The following P2RY12 variants were observed in gnomAD, a reference collection of about 807,000 sequenced individuals.
P2RY12 encodes the protein P2Y purinoceptor 12.
A neutral mutation model predicts 4.5 loss-of-function variants in P2RY12; 3 were observed. The observed-to-expected ratio is 0.67, with a 90% CI of 0.31 to 1.74. P2RY12 has a LOEUF of 1.74. Ranked by LOEUF, P2RY12 falls within the 40% of genes most tolerant of loss-of-function variation. P2RY12 has a pLI of 0.09. For synonymous variants in P2RY12, 148 were observed against 154.1 expected, an observed-to-expected ratio of 0.96 and a Z score of 0.29; for missense variants, 356 against 407.8, an observed-to-expected ratio of 0.87 and a Z score of 1.09.
At chr3:151,353,644 C>G (rs1337386927) in intron 1 of P2RY12, among the ~76,000 whole-genome samples, 2 of 152,170 alleles carry the variant, frequency 1.3e-5, no homozygotes, top group Non-Finnish European at 2.9e-5. Flanking sequence ...AAAGAGAAGT[C>G]TCTTTTATTT....
chr3:151,356,112 C>G, intron 1 of P2RY12: 1 of 1,458,032 alleles, frequency 6.9e-7, no homozygotes, highest in South Asian at 1.3e-5. Context: ...TTAAAGTGAG[C>G]CAATTAGCTG....
chr3:151,382,120 T>G (rs575778831), intron 1 of P2RY12, among the ~76,000 whole-genome samples: 2 of 152,292 alleles, frequency 1.3e-5, no homozygotes, highest in East Asian at 1.9e-4. Context: ...GCAGCCCACT[T>G]TATAAACTGA....
At chr3:151,362,746 C>T (rs1381752086) in intron 1 of P2RY12, among the ~76,000 whole-genome samples, 1 of 151,996 alleles carries the variant, frequency 6.6e-6, no homozygotes, top group Non-Finnish European at 1.5e-5. Context: ...ATAGTTATAT[C>T]TAAGACAATT....
intron 1 of P2RY12, among the ~76,000 whole-genome samples, chr3:151,371,106 C>G (rs1378508136): frequency 6.6e-6 from 1 of 152,162 alleles, no homozygotes; most frequent in East Asian, 1.9e-4. Context: ...TGAGGATCTC[C>G]TAGTATGGGG....
chr3:151,384,361 C>A, intron 1 of P2RY12: 3 of 798,818 alleles, frequency 3.8e-6, no homozygotes, highest in Non-Finnish European at 5.6e-6. Context: ...TTTCACCTAA[C>A]CTTATTAGTA....
At chr3:151,377,482 A>G (rs1711501386) in intron 1 of P2RY12, among the ~76,000 whole-genome samples, 1 of 152,120 alleles carries the variant, frequency 6.6e-6, no homozygotes, top group African/African-American at 2.4e-5. Context: ...TTTTTCCACC[A>G]TTTTTATTAA....
intron 1 of P2RY12, among the ~76,000 whole-genome samples, chr3:151,348,031 C>T (rs1752742729): frequency 6.6e-6 from 1 of 152,132 alleles, no homozygotes; most frequent in Admixed American, 6.5e-5. Context: ...CTTTGGACTT[C>T]TAGGTCTGTA....
chr3:151,371,534 T>A (rs945194300), intron 1 of P2RY12, among the ~76,000 whole-genome samples: 3 of 152,358 alleles, frequency 2.0e-5, no homozygotes, highest in Admixed American at 6.5e-5. Flanking sequence ...CTTAAGATTT[T>A]GTTAGTAAAT....
At chr3:151,340,540 C>G (rs1478135328) in intron 2 of P2RY12, 56 bp downstream of exon 2, 1 of 152,536 alleles carries the variant, frequency 6.6e-6, no homozygotes, top group African/African-American at 2.4e-5. Flanking sequence ...AAAATGTACA[C>G]ACATATCAGA....
chr3:151,357,883 CT>C (rs1376069046), intron 1 of P2RY12, among the ~76,000 whole-genome samples: 3 of 152,178 alleles, frequency 2.0e-5, no homozygotes, highest in African/African-American at 7.2e-5. Flanking sequence ...GCTTACTCTA[CT>C]AATGAAGTTG....
intron 1 of P2RY12, among the ~76,000 whole-genome samples, chr3:151,359,689 T>A (rs543011867): frequency 1.3e-5 from 2 of 152,170 alleles, no homozygotes; most frequent in Admixed American, 6.6e-5. Context: ...TCAGATAGTT[T>A]CTAAAGCTTT....
At chr3:151,345,407 A>G (rs930026992) in intron 1 of P2RY12, among the ~76,000 whole-genome samples, 2 of 152,084 alleles carry the variant, frequency 1.3e-5, no homozygotes, top group Non-Finnish European at 2.9e-5. Context: ...AAGAGCAGAA[A>G]TCGTTGATAC....
At chr3:151,380,100 ACTTC>A in intron 1 of P2RY12, 1 of 1,489,908 alleles carries the variant, frequency 6.7e-7, no homozygotes, top group Non-Finnish European at 9.2e-7. Context: ...TGTTATTATT[ACTTC>A]CTTTGTAGTA....
chr3:151,356,746 T>C (rs1753975157), intron 1 of P2RY12, among the ~76,000 whole-genome samples: 1 of 152,320 alleles, frequency 6.6e-6, no homozygotes, highest in East Asian at 1.9e-4. Context: ...ACAAACCTTA[T>C]GATTTGATTT....
At chr3:151,346,247 C>G (rs899135656) in intron 1 of P2RY12, among the ~76,000 whole-genome samples, 5 of 152,148 alleles carry the variant, frequency 3.3e-5, no homozygotes, top group Non-Finnish European at 7.3e-5. Context: ...AGCTAAGAGG[C>G]CATTGTCTCT....
chr3:151,343,901 C>T (rs535661293), intron 1 of P2RY12, among the ~76,000 whole-genome samples: 1 of 152,092 alleles, frequency 6.6e-6, no homozygotes, highest in African/African-American at 2.4e-5. Flanking sequence ...AGCTCTTAGG[C>T]TGTTTTAGTT....
intron 1 of P2RY12, among the ~76,000 whole-genome samples, chr3:151,353,345 T>C (rs74508719): frequency 0.05 from 7,583 of 152,330 alleles, 221 homozygotes; most frequent in East Asian, 0.13. Flanking sequence ...GCTCATGACA[T>C]GTGAGCAGCT....
chr3:151,337,759 C>T lies in P2RY12; in HGVS notation c.*58G>A. On this transcript the variant is annotated 3_prime_UTR_variant, in exon 3 of 3. Transcript: ENST00000302632. Reference sequence around the variant, plus strand: ...CGTCAGTTAATATTTTTACTTAGCGCTTTGCTTTAACGAGTTCTGAACACA... The same window carrying T: ...CGTCAGTTAATATTTTTACTTAGCGTTTTGCTTTAACGAGTTCTGAACACA... 1 of 1,543,058 alleles carries T rather than the reference C, an allele frequency of 6.5e-7. No individual in the cohort carries two copies.
At chr3:151,382,161 A>G (rs983436030) in intron 1 of P2RY12, among the ~76,000 whole-genome samples, 3 of 152,154 alleles carry the variant, frequency 2.0e-5, no homozygotes, top group Admixed American at 1.3e-4. Flanking sequence ...CTGCAATGCC[A>G]TATTTTTCAA....
Sources: allele counts gnomAD v4.1 joint callset (sites outside exome capture counted in the v4.1 genomes callset), GRCh38; gene constraint gnomAD v4.1.1; transcripts MANE v1.5; gene names NCBI Gene and HGNC (gene_info 2026-07-23, HGNC 2026-07-21).